The following ATP8A1 variants were observed in gnomAD, a reference collection of about 807,000 sequenced individuals.
ATP8A1 encodes ATPase phospholipid transporting 8A1, also known as phospholipid-transporting ATPase IA.
In ATP8A1, 90 loss-of-function variants were observed where a neutral mutation model predicts 177.7. The observed-to-expected ratio is 0.51, with a 90% CI of 0.43 to 0.60. The LOEUF (loss-of-function observed/expected upper bound fraction) is 0.60, where lower values mean the gene tolerates loss of function less well. Among genes scored for constraint, ATP8A1 ranks in the 20% least tolerant of loss-of-function variants. The pLI is 0.00. For synonymous variants in ATP8A1, 493 were observed against 485.9 expected, an observed-to-expected ratio of 1.01 and a Z score of -0.19; for missense variants, 1,072 against 1,392.8, an observed-to-expected ratio of 0.77 and a Z score of 3.67.
At chr4:42,424,933 C>T (rs1714414964) in intron 33 of ATP8A1, among the ~76,000 whole-genome samples, 1 of 151,994 alleles carries the variant, frequency 6.6e-6, no homozygotes, top group African/African-American at 2.4e-5. Context: ...TTCGAGACAC[C>T]AACAAGATGA....
chr4:42,565,977 G>A (rs191875700), intron 15 of ATP8A1, among the ~76,000 whole-genome samples: 1 of 152,278 alleles, frequency 6.6e-6, no homozygotes, highest in East Asian at 1.9e-4. Flanking sequence ...CTAGCTGATG[G>A]TTCTTGGCAA....
chr4:42,563,699 A>C (rs1361043275), intron 15 of ATP8A1, among the ~76,000 whole-genome samples: 1 of 151,976 alleles, frequency 6.6e-6, no homozygotes, highest in Admixed American at 6.6e-5. Context: ...TGTCACGGCC[A>C]CTCCAGCCAT....
chr4:42,590,255 G>A (rs780779050), intron 7 of ATP8A1, among the ~76,000 whole-genome samples: 5 of 152,112 alleles, frequency 3.3e-5, no homozygotes, highest in African/African-American at 9.7e-5. Context: ...GATAAAAGTC[G>A]ATCCCAAAGC....
Position 42,485,507 on chromosome 4 carries a change from G to T in ATP8A1, c.2313C>A (p.Val771=), listed in dbSNP as rs771795923. 6 of 1,610,236 alleles carry T rather than the reference G, an allele frequency of 3.7e-6. No homozygotes were observed. The highest frequency in any genetic ancestry group is 5.1e-6 in the Non-Finnish European group (6 of 1,178,504). Residue 771 remains valine, a synonymous_variant, in exon 25 of 37, where the codon GTC becomes GTA. Transcript: ENST00000381668. The part of the protein sequence containing the change: ...FLDLALSCKA[V]ICCRVSPLQK... The stretch of plus-strand genomic sequence containing the variant: ...TAAGGAGAACTTACCGACAGCAAAT[G>T]ACAGCTTTGCATGACAAAGCTAAGT...
intron 1 of ATP8A1, 24 bp downstream of exon 1, chr4:42,656,800 GC>G (rs754279318): frequency 6.5e-7 from 1 of 1,545,166 alleles, no homozygotes; most frequent in Non-Finnish European, 8.7e-7. Flanking sequence ...CCCCGGGCTA[GC>G]CCCGAGCCTC....
Position 42,464,785 on chromosome 4 carries a change from T to A in ATP8A1, c.2524A>T (p.Asn842Tyr). The A allele has an allele frequency of 6.2e-7, 1 of 1,613,604 alleles. No individual in the cohort carries two copies. ...YSIAQFKYLK[N>Y]LLMIHGAWNY... ...CAGGCACCATGAATCATCAGTAAAT[T>A]CTTCAAATATTTGAACTAAAACAAG... Residue 842 changes from asparagine to tyrosine, a missense_variant, in exon 27 of 37, where the codon AAT becomes TAT. Around this residue, in one of 5 missense-constraint regions of ATP8A1, gnomAD observed 316 missense variants for 459.1 expected, o/e 0.69. Transcript: ENST00000381668.
intron 5 of ATP8A1, among the ~76,000 whole-genome samples, chr4:42,613,784 ATGTTGG>A (rs1736617618): frequency 2.0e-5 from 3 of 151,838 alleles, no homozygotes; most frequent in Admixed American, 2.0e-4. Context: ...GGGTTTTGCC[ATGTTGG>A]TCAGGCTGGG....
chr4:42,469,842 T>C (rs1560360122), intron 25 of ATP8A1, among the ~76,000 whole-genome samples: 1 of 109,898 alleles, frequency 9.1e-6, no homozygotes, highest in South Asian at 2.8e-4. Context: ...TCTAGATTCA[T>C]ACAATTTCCA....
chr4:42,621,168 A>AG (rs1737428447), intron 4 of ATP8A1, among the ~76,000 whole-genome samples: 1 of 152,242 alleles, frequency 6.6e-6, no homozygotes, highest in Non-Finnish European at 1.5e-5. Context: ...TACACTTCTC[A>AG]GCTAGTGTCT....
intron 5 of ATP8A1, among the ~76,000 whole-genome samples, chr4:42,612,078 GATAAT>G (rs1377346611): frequency 6.6e-6 from 1 of 151,392 alleles, no homozygotes; most frequent in African/African-American, 2.4e-5. Flanking sequence ...AGGGTTAAAT[GATAAT>G]ATAATGACTT....
intron 22 of ATP8A1, among the ~76,000 whole-genome samples, chr4:42,511,071 G>C (rs867871814): frequency 1.7e-4 from 26 of 152,184 alleles, no homozygotes; most frequent in African/African-American, 5.1e-4. Context: ...TACTCCATAA[G>C]CGTGTTAATT....
In ATP8A1 at chr4:42,457,733, C is replaced by CT. The variant is rs542324221; in HGVS notation, c.2620-2135dup. ...ATATTTGGTGCTGATTCAAAGGCTA[C>CT]TACGAGCTTGAAATTTAAGATTCTC... On this transcript the variant is annotated intron_variant, in intron 27 of 36. Coordinates refer to ENST00000381668, the MANE Select transcript of ATP8A1 (RefSeq NM_006095.2). 4.3e-3 allele frequency among the ~76,000 whole-genome samples: 651 copies of CT among 152,292 alleles called. 4 individuals are homozygous for CT. The highest frequency in any genetic ancestry group is 5.7e-3 in the Non-Finnish European group (389 of 68,022).
chr4:42,489,985 G>C lies in ATP8A1; in HGVS notation c.2152-4317C>G, dbSNP rs191689002. On this transcript the variant is annotated intron_variant, in intron 24 of 36. Transcript: ENST00000381668. Reference sequence around the variant, plus strand: ...TTCTGCATATTTTCACTCGTGGGCTGAAAGTCCAGGAGCATCAGAGACATT... The same window carrying C: ...TTCTGCATATTTTCACTCGTGGGCTCAAAGTCCAGGAGCATCAGAGACATT... Among the ~76,000 whole-genome samples, 243 of 152,302 alleles carry C rather than the reference G, an allele frequency of 1.6e-3. 1 individual carries two copies. Among genetic ancestry groups the C allele is most frequent in the African/African-American group, 5.8e-3 (240 of 41,572 alleles).
At chr4:42,444,448 A>T in intron 32 of ATP8A1, 130 bp downstream of exon 32, 1 of 840,402 alleles carries the variant, frequency 1.2e-6, no homozygotes, top group Non-Finnish European at 1.8e-6. Flanking sequence ...GACACCCCAC[A>T]ATTGAAAACC....
chr4:42,444,495 T>G, intron 32 of ATP8A1, 83 bp downstream of exon 32: 1 of 1,332,640 alleles, frequency 7.5e-7, no homozygotes. Context: ...ACATATCAAG[T>G]TAGAGTGAAG....
intron 1 of ATP8A1, among the ~76,000 whole-genome samples, chr4:42,640,344 C>T (rs1739845874): frequency 2.6e-5 from 4 of 152,082 alleles, no homozygotes; most frequent in African/African-American, 9.7e-5. Context: ...TTCTCAAAGA[C>T]CAAAAAGAAA....
intron 24 of ATP8A1, among the ~76,000 whole-genome samples, chr4:42,496,184 A>C (rs1280855118): frequency 6.6e-6 from 1 of 152,202 alleles, no homozygotes; most frequent in East Asian, 1.9e-4. Flanking sequence ...AAAGTGCTGA[A>C]TCTGTGTCCA....
chr4:42,635,780 CACATATATATATAT>C (rs1481739485), intron 1 of ATP8A1, among the ~76,000 whole-genome samples: 1 of 43,470 alleles, frequency 2.3e-5, no homozygotes, highest in South Asian at 8.3e-4. Context: ...CACACACACA[CACATATATATATAT>C]ATATATATAT....
chr4:42,569,980 A>G (rs1428718113), intron 14 of ATP8A1, among the ~76,000 whole-genome samples: 2 of 152,166 alleles, frequency 1.3e-5, no homozygotes, highest in African/African-American at 4.8e-5. Flanking sequence ...ATATAATCAT[A>G]TACTTTTCCT....
Sources: gnomAD v4.1 joint callset for allele counts (sites outside exome capture counted in the v4.1 genomes callset) on GRCh38, gnomAD v4.1.1 for gene constraint, gnomAD v4.1.1 regional missense constraint, MANE v1.5 for transcripts, NCBI Gene and HGNC (gene_info 2026-07-23, HGNC 2026-07-21) for gene names.